TEX12: variants seen among roughly 807,000 people sequenced by gnomAD.
TEX12 encodes testis-expressed protein 12.
TEX12 carries 7 observed loss-of-function variants against 14.6 expected under a neutral mutation model. That is an observed-to-expected ratio of 0.48 (90% CI 0.27 to 0.90). TEX12 has a LOEUF of 0.90. Among genes scored for constraint, TEX12 ranks in the 40% least tolerant of loss-of-function variants. TEX12 has a pLI of 0.12. For synonymous variants in TEX12, 57 were observed against 49.1 expected (o/e 1.16, Z -0.67); for missense variants, 121 against 135.7 (o/e 0.89, Z 0.54).
Position 112,171,903 on chromosome 11 carries a change from C to G in TEX12, c.359C>G (p.Thr120Arg). ...LRQRFTVIAN[T>R]LHR ...CAGAGGTTTACAGTGATTGCAAACA[C>G]ATTACACAGATAAAATATATACTTG... The change falls in exon 5 of 5, where the codon ACA (threonine) becomes AGA (arginine). Residue 120 changes from threonine (T) to arginine (R), a missense_variant. Coordinates refer to ENST00000280358, the MANE Select transcript of TEX12 (RefSeq NM_031275.4). The G allele has an allele frequency of 6.5e-7, 1 of 1,531,448 alleles. No individual in the cohort carries two copies. The highest frequency in any genetic ancestry group is 8.7e-7 in the Non-Finnish European group (1 of 1,143,304). The allele number at this position is 1,531,448 out of a possible 1,614,324, so 94.9% of individuals were successfully genotyped here.
At chr11:112,170,098 T>C (rs1866773035) in intron 2 of TEX12, among the ~76,000 whole-genome samples, 1 of 152,212 alleles carries the variant, frequency 6.6e-6, no homozygotes, top group Non-Finnish European at 1.5e-5. Context: ...GAGGATCACT[T>C]GAATCTAGGA....
chr11:112,170,842 G>T (rs1866782261), intron 4 of TEX12, among the ~76,000 whole-genome samples, 168 bp downstream of exon 4: 2 of 151,998 alleles, frequency 1.3e-5, no homozygotes. Flanking sequence ...TATTTTCAGG[G>T]AATAGCGTCA....
In TEX12 at chr11:112,172,061, A is replaced by G. The variant is rs1374050086; in HGVS notation, c.*145A>G. 4 of 548,794 alleles carry G rather than the reference A, an allele frequency of 7.3e-6. No homozygotes were observed. In the African/African-American group the frequency reaches 7.9e-5, roughly 11 times the overall value. 34.0% of individuals were successfully genotyped at this position (548,794 alleles called of 1,614,324 possible). A position where few individuals can be genotyped will look rare whatever the true frequency, so the allele number is the denominator to read the frequency against. ...GGAAACTCCTTGAATTTCTAGGTTTAAAAAGGAACTTTTAAATTCCTTAAT... is the reference window on the plus strand; with the variant it reads ...GGAAACTCCTTGAATTTCTAGGTTTGAAAAGGAACTTTTAAATTCCTTAAT... On this transcript the variant is annotated 3_prime_UTR_variant, in exon 5 of 5. Transcript: ENST00000280358.
intron 1 of TEX12, among the ~76,000 whole-genome samples, chr11:112,168,080 G>C (rs1436442740): frequency 6.6e-6 from 1 of 152,180 alleles, no homozygotes; most frequent in African/African-American, 2.4e-5. Context: ...GAATGGAGAC[G>C]TACGATACAG....
rs1866803110 is a variant in TEX12, at chr11:112,172,406, C to A, written c.*490C>A. On this transcript the variant is annotated 3_prime_UTR_variant, in exon 5 of 5. Coordinates refer to ENST00000280358, the MANE Select transcript of TEX12 (RefSeq NM_031275.4). Reference sequence around the variant, plus strand: ...ATTAAAACCTTAGAGGTGATTTTTCCAGTTTCTTAGAATATAATGACATAA... The same window carrying A: ...ATTAAAACCTTAGAGGTGATTTTTCAAGTTTCTTAGAATATAATGACATAA... 1 of 151,862 alleles carries A rather than the reference C, an allele frequency of 6.6e-6. No individual in the cohort carries two copies. The highest frequency in any genetic ancestry group is 2.1e-4 in the South Asian group (1 of 4,828). 9.4% of individuals were successfully genotyped at this position (151,862 alleles called of 1,614,324 possible).
chr11:112,168,320 C>T (rs1259164948), intron 1 of TEX12, among the ~76,000 whole-genome samples: 1 of 152,152 alleles, frequency 6.6e-6, no homozygotes, highest in Admixed American at 6.5e-5. Flanking sequence ...TAGGGAAAAT[C>T]CCTTCCGAAT....
At position 112,170,493 on chromosome 11, in the gene TEX12, A is replaced by T. The variant is rs768878525; in HGVS notation, c.138A>T (p.Leu46=). Residue 46 remains leucine (L), a synonymous_variant, in exon 3 of 5, where the codon CTA becomes CTT. Coordinates refer to ENST00000280358, the MANE Select transcript of TEX12 (RefSeq NM_031275.4). The part of the protein sequence containing the change: ...SDSSFSEISG[L]FYKDEALEKD... ...CATCTTTCTCTGAAATTTCCGGACT[A>T]TTTTATAAAGATGAAGCCTTGGAGA... 11 of 1,613,562 alleles carry T rather than the reference A, an allele frequency of 6.8e-6. No individual in the cohort carries two copies. The African/African-American group carries it at 1.3e-4, about 20-fold the overall frequency.
Position 112,171,910 on chromosome 11 carries a change from C to T in TEX12, c.366C>T (p.His122=). The change falls in exon 5 of 5, where the codon CAC becomes CAT. Residue 122 remains histidine (H), a synonymous_variant. Coordinates refer to ENST00000280358, the MANE Select transcript of TEX12 (RefSeq NM_031275.4). ...QRFTVIANTL[H]R Reference sequence around the variant, plus strand: ...TTACAGTGATTGCAAACACATTACACAGATAAAATATATACTTGAAATAAG... The same window carrying T: ...TTACAGTGATTGCAAACACATTACATAGATAAAATATATACTTGAAATAAG... The T allele has an allele frequency of 1.3e-6, 2 of 1,520,106 alleles. No individual in the cohort carries two copies. The highest frequency in any genetic ancestry group is 1.8e-6 in the Non-Finnish European group (2 of 1,136,964). The allele number at this position is 1,520,106 out of a possible 1,614,324, so 94.2% of individuals were successfully genotyped here. A position where few individuals can be genotyped will look rare whatever the true frequency, so the allele number is the denominator to read the frequency against.
chr11:112,169,528 A>T (rs1866766556), intron 2 of TEX12, among the ~76,000 whole-genome samples, 197 bp downstream of exon 2: 1 of 152,168 alleles, frequency 6.6e-6, no homozygotes, highest in African/African-American at 2.4e-5. Flanking sequence ...CCAAGAAACT[A>T]TTGGGAGATT....
chr11:112,170,985 G>A (rs1286859411), intron 4 of TEX12, among the ~76,000 whole-genome samples: 1 of 151,990 alleles, frequency 6.6e-6, no homozygotes, highest in Non-Finnish European at 1.5e-5. Flanking sequence ...AATGTTTGAT[G>A]AAATTAATGA....
chr11:112,170,307 C>A, intron 2 of TEX12, 112 bp from the exon 3 acceptor site: 2 of 686,110 alleles, frequency 2.9e-6, no homozygotes, highest in Non-Finnish European at 4.8e-6. Context: ...TGCTTTCTAG[C>A]ATGTTTGCCT....
chr11:112,168,102 C>G (rs1442129736), intron 1 of TEX12, among the ~76,000 whole-genome samples: 1 of 152,192 alleles, frequency 6.6e-6, no homozygotes, highest in Admixed American at 6.5e-5. Flanking sequence ...ATTTACTTAA[C>G]AAGCATCATT....
rs556664602 is a variant in TEX12 at position 112,172,024 on chromosome 11, G to C, written c.*108G>C. 1 of 814,550 alleles carries C rather than the reference G, an allele frequency of 1.2e-6. No homozygotes were observed. Among genetic ancestry groups the C allele is most frequent in the Non-Finnish European group, 1.7e-6 (1 of 580,114 alleles). 50.5% of individuals were successfully genotyped at this position (814,550 alleles called of 1,614,324 possible). A position where few individuals can be genotyped will look rare whatever the true frequency, so the allele number is the denominator to read the frequency against. On this transcript the variant is annotated 3_prime_UTR_variant, in exon 5 of 5. Transcript: ENST00000280358. ...AGTTGTTAAAGAAAATGTATATCTC[G>C]AATAGAGAAGGGGAAACTCCTTGAA... is the stretch of plus-strand genomic sequence containing the variant.
In TEX12 at chr11:112,169,294, C is replaced by T. The variant is rs1866763221; in HGVS notation, c.26C>T (p.Pro9Leu). Residue 9 changes from proline to leucine, a missense_variant, in exon 2 of 5, where the codon CCT becomes CTT. Coordinates refer to ENST00000280358, the MANE Select transcript of TEX12 (RefSeq NM_031275.4). Reference sequence around the variant, plus strand: ...ATGATGGCAAATCACCTTGTAAAGCCTGATAATAGAAATTGCAAGAGGCCA... The same window carrying T: ...ATGATGGCAAATCACCTTGTAAAGCTTGATAATAGAAATTGCAAGAGGCCA... MMANHLVK[P>L]DNRNCKRPRE... The T allele has an allele frequency of 6.2e-7, 1 of 1,613,928 alleles. No homozygotes were observed. The highest frequency in any genetic ancestry group is 8.5e-7 in the Non-Finnish European group (1 of 1,179,844).
intron 4 of TEX12, among the ~76,000 whole-genome samples, chr11:112,171,419 A>G (rs887172454): frequency 5.3e-5 from 8 of 152,020 alleles, no homozygotes; most frequent in Non-Finnish European, 1.5e-5. Flanking sequence ...TTTAAGACCA[A>G]ATTTAAATAC....
intron 1 of TEX12, among the ~76,000 whole-genome samples, chr11:112,168,306 C>A (rs1031746435): frequency 6.6e-6 from 1 of 152,180 alleles, no homozygotes; most frequent in African/African-American, 2.4e-5. Flanking sequence ...AACATTTGGA[C>A]TCCTAGGGAA....
Position 112,171,823 on chromosome 11 carries a change from C to T in TEX12, c.279C>T (p.Phe93=). Residue 93 remains phenylalanine, a synonymous_variant, in exon 5 of 5, where the codon TTC becomes TTT. Coordinates refer to ENST00000280358, the MANE Select transcript of TEX12 (RefSeq NM_031275.4). ...ASYIDEIDEL[F]KEANAIENFL... is the part of the protein sequence containing the mutation. ...ACATTGATGAGATAGATGAACTCTT[C>T]AAAGAAGCCAATGCTATTGAAAACT... 1 of 1,596,066 alleles carries T rather than the reference C, an allele frequency of 6.3e-7. No homozygotes were observed. Among genetic ancestry groups the T allele is most frequent in the Non-Finnish European group, 8.5e-7 (1 of 1,172,644 alleles).
In TEX12 at chr11:112,170,507, A is replaced by T; in HGVS notation, c.152A>T (p.Glu51Val). 1 of 1,612,604 alleles carries T rather than the reference A, an allele frequency of 6.2e-7. No homozygotes were observed. Among genetic ancestry groups the T allele is most frequent in the Non-Finnish European group, 8.5e-7 (1 of 1,178,864 alleles). The change falls in exon 3 of 5, where the codon GAA becomes GTA. Residue 51 changes from glutamate (E) to valine (V), a missense_variant. Physicochemically the swap from Glu to Val is moderately radical, Grantham distance 121 (BLOSUM62 -2). Transcript: ENST00000280358. ...ATTTCCGGACTATTTTATAAAGATG[A>T]AGCCTTGGAGAAAGATTTAAATGGT... Reference protein sequence around the residue: ...SEISGLFYKDEALEKDLNDVS... With the variant: ...SEISGLFYKDVALEKDLNDVS...
rs570103428 is a variant in TEX12, at chr11:112,170,746, T to G, written c.227+72T>G. 3.9e-6 allele frequency: 5 copies of G among 1,272,038 alleles called. No individual in the cohort carries two copies. The African/African-American group carries it at 7.5e-5, about 19-fold the overall frequency. 78.8% of individuals were successfully genotyped at this position (1,272,038 alleles called of 1,614,324 possible). On this transcript the variant is annotated intron_variant, in intron 4 of 4. Coordinates refer to ENST00000280358, the MANE Select transcript of TEX12 (RefSeq NM_031275.4). The stretch of plus-strand genomic sequence containing the variant: ...TCTGGAAACTCTGTATTGGGAAGTT[T>G]AATTCTGTGGCTGCCAAACCTCTCC...
Sources: allele counts gnomAD v4.1 joint callset (sites outside exome capture counted in the v4.1 genomes callset), GRCh38; gene constraint gnomAD v4.1.1; transcripts MANE v1.5; gene names NCBI Gene and HGNC (gene_info 2026-07-23, HGNC 2026-07-21).